The following CEP128 variants were observed in gnomAD, a reference collection of about 807,000 sequenced individuals.
CEP128 encodes centrosomal protein 128.
A neutral mutation model predicts 156.7 loss-of-function variants in CEP128; 132 were observed. The ratio of observed to expected loss-of-function variants is 0.84; its 90% CI spans 0.73 to 0.97. The LOEUF (loss-of-function observed/expected upper bound fraction) is 0.97. Ranked by LOEUF, CEP128 falls within the 50% of genes least tolerant of loss-of-function variation. CEP128 has a pLI of 0.00. For synonymous variants in CEP128, 469 were observed against 448.9 expected, an observed-to-expected ratio of 1.04 and a Z score of -0.57; for missense variants, 1,252 against 1,281.9, an observed-to-expected ratio of 0.98 and a Z score of 0.36.
At chr14:80,806,254 A>C (rs1369219395) in intron 13 of CEP128, among the ~76,000 whole-genome samples, 2 of 152,212 alleles carry the variant, frequency 1.3e-5, no homozygotes, top group Admixed American at 6.5e-5. Flanking sequence ...TGTACTTTTT[A>C]ATAAAACATG....
intron 19 of CEP128, among the ~76,000 whole-genome samples, chr14:80,699,254 T>C (rs953226794): frequency 4.6e-5 from 7 of 152,164 alleles, no homozygotes; most frequent in Non-Finnish European, 8.8e-5. Context: ...GTGCAGAGCA[T>C]GAAGTAGTGG....
At chr14:80,893,376 G>A (rs1167310507) in intron 8 of CEP128, among the ~76,000 whole-genome samples, 2 of 151,792 alleles carry the variant, frequency 1.3e-5, no homozygotes, top group Non-Finnish European at 2.9e-5. Context: ...AGGATACAAA[G>A]TAGCTGATAT....
At chr14:80,762,661 C>T (rs970606808) in intron 16 of CEP128, among the ~76,000 whole-genome samples, 4 of 152,222 alleles carry the variant, frequency 2.6e-5, no homozygotes, top group Non-Finnish European at 5.9e-5. Flanking sequence ...TTCTGTACTT[C>T]TCTCATGCCT....
intron 19 of CEP128, among the ~76,000 whole-genome samples, chr14:80,668,330 T>A (rs1338248776): frequency 6.6e-6 from 1 of 151,940 alleles, no homozygotes; most frequent in Non-Finnish European, 1.5e-5. Flanking sequence ...TAAGAAATTG[T>A]AAAACACAGA....
At chr14:80,847,430 T>A (rs1262046676) in intron 9 of CEP128, among the ~76,000 whole-genome samples, 1 of 152,174 alleles carries the variant, frequency 6.6e-6, no homozygotes, top group Non-Finnish European at 1.5e-5. Context: ...AGAAAAAATT[T>A]GTTATTTGTT....
chr14:80,826,327 T>G (rs1020911279), intron 13 of CEP128, among the ~76,000 whole-genome samples: 12 of 152,112 alleles, frequency 7.9e-5, no homozygotes, highest in African/African-American at 2.4e-4. Context: ...TATTAAAAAT[T>G]ACTTGCTATT....
chr14:80,769,437 C>G (rs148269620), intron 16 of CEP128, among the ~76,000 whole-genome samples: 5,249 of 152,188 alleles, frequency 0.034, 118 homozygotes, highest in Non-Finnish European at 0.055. Context: ...ACTCCCCCCG[C>G]CCCACGACAG....
chr14:80,532,519 A>C (rs565983975), intron 21 of CEP128, among the ~76,000 whole-genome samples: 1 of 152,234 alleles, frequency 6.6e-6, no homozygotes, highest in Non-Finnish European at 1.5e-5. Context: ...TATGTCTTTC[A>C]CGGGGTTCAG....
At chr14:80,710,244 ACTAGAT>A (rs1897354235) in intron 19 of CEP128, among the ~76,000 whole-genome samples, 1 of 152,136 alleles carries the variant, frequency 6.6e-6, no homozygotes, top group African/African-American at 2.4e-5. Context: ...CATCTCCCTC[ACTAGAT>A]ATATGTTACT....
intron 19 of CEP128, among the ~76,000 whole-genome samples, chr14:80,647,897 C>T (rs1894731985): frequency 6.6e-6 from 1 of 152,076 alleles, no homozygotes; most frequent in Non-Finnish European, 1.5e-5. Flanking sequence ...TATGCCTGAT[C>T]ACACTGCTTG....
At chr14:80,713,187 C>T (rs1029621244) in intron 19 of CEP128, among the ~76,000 whole-genome samples, 1 of 152,108 alleles carries the variant, frequency 6.6e-6, no homozygotes, top group Admixed American at 6.5e-5. Flanking sequence ...TAAAATGAAA[C>T]ACCACACTTA....
chr14:80,822,135 G>A (rs757897611), intron 13 of CEP128, among the ~76,000 whole-genome samples: 4 of 151,876 alleles, frequency 2.6e-5, no homozygotes, highest in Non-Finnish European at 2.9e-5. Context: ...ATATCATTCC[G>A]CCCCTGGCCC....
In CEP128 at chr14:80,704,150, G is replaced by C. The variant is rs188735830; in HGVS notation, c.2806+38925C>G. On this transcript the variant is annotated intron_variant, in intron 19 of 24. Coordinates refer to ENST00000555265, the MANE Select transcript of CEP128 (RefSeq NM_152446.5). ...GTTCCTTACCACACAATTAAATTTA[G>C]AATGAAAGCATCTCTGGGAAATAAT... Among the ~76,000 whole-genome samples, 387 of 152,052 alleles carry C rather than the reference G, an allele frequency of 2.5e-3. 3 individuals carry two copies. Among genetic ancestry groups the C allele is most frequent in the African/African-American group, 9.0e-3 (374 of 41,520 alleles).
intron 19 of CEP128, among the ~76,000 whole-genome samples, chr14:80,612,087 C>T (rs189027676): frequency 1.3e-5 from 2 of 151,820 alleles, no homozygotes; most frequent in African/African-American, 4.8e-5. Context: ...AAATAAAAAC[C>T]TTAGATATAT....
chr14:80,501,758 C>T (rs950477494), intron 24 of CEP128, among the ~76,000 whole-genome samples: 5 of 151,930 alleles, frequency 3.3e-5, no homozygotes, highest in African/African-American at 1.2e-4. Flanking sequence ...CCCACCTCGG[C>T]CTCCCACCTC....
chr14:80,582,088 G>C (rs973794034), intron 19 of CEP128, among the ~76,000 whole-genome samples: 7 of 152,196 alleles, frequency 4.6e-5, no homozygotes, highest in African/African-American at 1.7e-4. Context: ...ACATGGTCTA[G>C]GACTCTTCCC....
chr14:80,931,140 G>A (rs114454596), intron 2 of CEP128, among the ~76,000 whole-genome samples: 54 of 152,276 alleles, frequency 3.5e-4, no homozygotes, highest in African/African-American at 9.4e-4. Context: ...TACGATATGC[G>A]TACTTTTGTT....
intron 10 of CEP128, among the ~76,000 whole-genome samples, chr14:80,839,472 A>C (rs1886246912): frequency 6.6e-6 from 1 of 152,132 alleles, no homozygotes; most frequent in African/African-American, 2.4e-5. Context: ...ACAAGAATCT[A>C]TACAAGATAA....
intron 18 of CEP128, among the ~76,000 whole-genome samples, chr14:80,744,575 C>T (rs79704078): frequency 2.0e-5 from 3 of 152,104 alleles, no homozygotes; most frequent in Admixed American, 1.3e-4. Flanking sequence ...TCTATTTAAC[C>T]TCATTAAAGT....
Sources: allele counts gnomAD v4.1 joint callset (sites outside exome capture counted in the v4.1 genomes callset), GRCh38; gene constraint gnomAD v4.1.1; transcripts MANE v1.5; gene names NCBI Gene and HGNC (gene_info 2026-07-23, HGNC 2026-07-21).